The following CRY2 variants were observed in gnomAD, a reference collection of about 807,000 sequenced individuals.
CRY2 encodes cryptochrome circadian regulator 2.
A neutral mutation model predicts 69.5 loss-of-function variants in CRY2; 31 were observed. The observed-to-expected ratio is 0.45, with a 90% CI of 0.34 to 0.60. The LOEUF (loss-of-function observed/expected upper bound fraction) is 0.60. Among genes scored for constraint, CRY2 ranks in the 20% least tolerant of loss-of-function variants. The pLI is 0.02. For synonymous variants in CRY2, 303 were observed against 312.2 expected, an observed-to-expected ratio of 0.97 and a Z score of 0.31; for missense variants, 606 against 797.8, an observed-to-expected ratio of 0.76 and a Z score of 2.90.
chr11:45,865,059 C>CA (rs766963005), intron 5 of CRY2, among the ~76,000 whole-genome samples: 10 of 151,044 alleles, frequency 6.6e-5, no homozygotes, highest in Admixed American at 6.6e-4. Context: ...CACACCCGGG[C>CA]AGAAATAAAG....
chr11:45,857,924 A>T (rs140293625), intron 2 of CRY2, among the ~76,000 whole-genome samples: 295 of 152,346 alleles, frequency 1.9e-3, no homozygotes, highest in African/African-American at 6.6e-3. Flanking sequence ...CAGCCTGTGC[A>T]TGGCTAGGAC....
chr11:45,872,940 C>T (rs2086398006), intron 11 of CRY2, among the ~76,000 whole-genome samples: 2 of 152,212 alleles, frequency 1.3e-5, no homozygotes, highest in Non-Finnish European at 2.9e-5. Flanking sequence ...GAGGGCTGTG[C>T]TGTGTCTTAC....
At position 45,860,859 on chromosome 11, in the gene CRY2, T is replaced by A; in HGVS notation, c.479T>A (p.Leu160Gln). ...TLYDLDRIIE[L>Q]NGQKPPLTYK... Reference sequence around the variant, plus strand: ...TTTGGGCTCCCCAGGATCATTGAGCTGAATGGGCAGAAGCCACCCCTTACA... The same window carrying A: ...TTTGGGCTCCCCAGGATCATTGAGCAGAATGGGCAGAAGCCACCCCTTACA... The change falls in exon 4 of 12, where the codon CTG (leucine) becomes CAG (glutamine). Residue 160 changes from leucine (L) to glutamine (Q), a missense_variant. By Grantham distance (113) the Leu-to-Gln change is moderately radical. Around this residue, in one of 5 missense-constraint regions of CRY2, gnomAD observed 382 missense variants for 508.9 expected, o/e 0.75. Coordinates refer to ENST00000616080, the MANE Select transcript of CRY2 (RefSeq NM_021117.5). 2 of 1,614,102 alleles carry A rather than the reference T, an allele frequency of 1.2e-6. No homozygotes were observed. The highest frequency in any genetic ancestry group is 1.3e-5 in the African/African-American group (1 of 75,032).
At chr11:45,853,896 A>G (rs2086217527) in intron 1 of CRY2, among the ~76,000 whole-genome samples, 1 of 152,278 alleles carries the variant, frequency 6.6e-6, no homozygotes, top group African/African-American at 2.4e-5. Flanking sequence ...TGCATAAAGC[A>G]GCATTCAACC....
chr11:45,879,996 C>T (rs150029898), intron 11 of CRY2, among the ~76,000 whole-genome samples: 4 of 152,288 alleles, frequency 2.6e-5, no homozygotes, highest in African/African-American at 9.6e-5. Flanking sequence ...CACTAATGAC[C>T]TCATTTAACT....
intron 3 of CRY2, among the ~76,000 whole-genome samples, chr11:45,859,771 C>CTGCTGCTGCTGCTGCTGT (rs1363141867): frequency 1.3e-5 from 2 of 151,870 alleles, no homozygotes; most frequent in Non-Finnish European, 2.9e-5. Flanking sequence ...TGTCACCCTC[C>CTGCTGCTGCTGCTGCTGT]TGCTGCTGCT....
chr11:45,847,292 G>T, upstream of CRY2: 1 of 1,495,332 alleles, frequency 6.7e-7, no homozygotes, highest in Middle Eastern at 1.7e-4. Context: ...GTAGGAACGT[G>T]AGGGGGCGGG....
chr11:45,858,597 G>C (rs556999688), intron 2 of CRY2, 134 bp from the exon 3 acceptor site: 2 of 1,001,520 alleles, frequency 2.0e-6, no homozygotes, highest in Non-Finnish European at 2.8e-6. Flanking sequence ...TCAAATCCCT[G>C]TTCCTAGTTT....
At chr11:45,861,969 A>G (rs2086291386) in intron 4 of CRY2, 91 bp from the exon 5 acceptor site, 6 of 1,128,970 alleles carry the variant, frequency 5.3e-6, no homozygotes, top group Admixed American at 2.3e-5. Flanking sequence ...CTGTGGTTCA[A>G]TTCTCATAAA....
At chr11:45,852,222 T>C (rs908805049) in intron 1 of CRY2, among the ~76,000 whole-genome samples, 1 of 152,226 alleles carries the variant, frequency 6.6e-6, no homozygotes, top group East Asian at 1.9e-4. Context: ...GCTCTGAATT[T>C]TGGCCATGTG....
intron 2 of CRY2, chr11:45,856,342 G>C (rs948300992): frequency 2.3e-6 from 1 of 434,546 alleles, no homozygotes; most frequent in Non-Finnish European, 4.1e-6. Context: ...ATAGGATGTG[G>C]TAAGTCATTC....
At chr11:45,874,729 G>A (rs1272525100) in intron 11 of CRY2, among the ~76,000 whole-genome samples, 1 of 152,226 alleles carries the variant, frequency 6.6e-6, no homozygotes, top group Non-Finnish European at 1.5e-5. Context: ...TGGATCACGA[G>A]GTCAGGAGTT....
At position 45,854,118 on chromosome 11, in the gene CRY2, A is replaced by G. The variant is rs549733137; in HGVS notation, c.216-1864A>G. Reference sequence around the variant, plus strand: ...ATAGTCACTGCTTCTGTAAGCCTCCAGTAGTCAGGGAATGTGACTGTGATG... The same window carrying G: ...ATAGTCACTGCTTCTGTAAGCCTCCGGTAGTCAGGGAATGTGACTGTGATG... On this transcript the variant is annotated intron_variant, in intron 1 of 11. Coordinates refer to ENST00000616080, the MANE Select transcript of CRY2 (RefSeq NM_021117.5). 7.2e-5 allele frequency among the ~76,000 whole-genome samples: 11 copies of G among 152,366 alleles called. No individual in the cohort carries two copies. The South Asian group carries it at 2.3e-3, about 32-fold the overall frequency.
chr11:45,851,319 G>A (rs1222586574), intron 1 of CRY2, among the ~76,000 whole-genome samples: 2 of 152,190 alleles, frequency 1.3e-5, no homozygotes, highest in Non-Finnish European at 2.9e-5. Context: ...GGGACAGAGG[G>A]AATTTGTAGA....
At position 45,870,880 on chromosome 11, in the gene CRY2, A is replaced by G. The variant is rs781085365; in HGVS notation, c.1588A>G (p.Ser530Gly). 1 of 1,613,484 alleles carries G rather than the reference A, an allele frequency of 6.2e-7. No homozygotes were observed. Among genetic ancestry groups the G allele is most frequent in the Non-Finnish European group, 8.5e-7 (1 of 1,180,018 alleles). ...ASVPSCVEDLSHPVAEPSSSQ... is the reference protein window; with the variant it reads ...ASVPSCVEDLGHPVAEPSSSQ... ...TGTCCCTTCCTGTGTGGAAGACCTC[A>G]GTCACCCTGTGGCAGAGCCCAGCTC... The change falls in exon 10 of 12, where the codon AGT (serine) becomes GGT (glycine). Residue 530 changes from serine to glycine, a missense_variant. By Grantham distance (56) the Ser-to-Gly change is moderately conservative (BLOSUM62 0). Transcript: ENST00000616080.
intron 6 of CRY2, 114 bp downstream of exon 6, chr11:45,867,866 G>C (rs925025806): frequency 8.7e-6 from 12 of 1,386,690 alleles, no homozygotes; most frequent in Non-Finnish European, 1.2e-5. Flanking sequence ...ATGGCCCCTG[G>C]AAGGGCCTAA....
At chr11:45,851,920 T>TC (rs1292438263) in intron 1 of CRY2, among the ~76,000 whole-genome samples, 1 of 151,964 alleles carries the variant, frequency 6.6e-6, no homozygotes, top group Non-Finnish European at 1.5e-5. Flanking sequence ...TTATCCTCCC[T>TC]CCCCCCATTA....
intron 9 of CRY2, 37 bp downstream of exon 9, chr11:45,870,569 A>G (rs2086370487): frequency 6.2e-7 from 1 of 1,606,064 alleles, no homozygotes; most frequent in African/African-American, 1.3e-5. Context: ...GAAGGGAAGG[A>G]CAGCACCTAC....
upstream of CRY2, chr11:45,847,225 G>A (rs754735174): frequency 1.3e-6 from 2 of 1,550,796 alleles, no homozygotes; most frequent in Non-Finnish European, 1.7e-6. Flanking sequence ...CCTGCGGACA[G>A]CCCCAGCCTG....
Sources: gnomAD v4.1 joint callset for allele counts (sites outside exome capture counted in the v4.1 genomes callset) on GRCh38, gnomAD v4.1.1 for gene constraint, gnomAD v4.1.1 regional missense constraint, MANE v1.5 for transcripts, NCBI Gene and HGNC (gene_info 2026-07-23, HGNC 2026-07-21) for gene names.